The following MSTO1 variants were observed in gnomAD, a reference collection of about 807,000 sequenced individuals.
MSTO1 encodes protein misato homolog 1.
Under a neutral mutation model 55.7 loss-of-function variants are expected in MSTO1, and 24 were observed. The observed-to-expected ratio is 0.43, with a 90% CI of 0.31 to 0.61. The LOEUF is 0.61. MSTO1 is among the 20% of genes least tolerant of loss of function. MSTO1 has a pLI of 0.09. For missense variants in MSTO1, 363 were observed against 625.7 expected, an observed-to-expected ratio of 0.58 and a Z score of 4.48; for synonymous variants, 162 against 252.8, an observed-to-expected ratio of 0.64 and a Z score of 3.41.
At chr1:155,577,111 T>C in the MSTO1 span, among the ~76,000 whole-genome samples, 2 of 149,360 alleles carry the variant, frequency 1.3e-5, no homozygotes, top group Non-Finnish European at 3.0e-5. Flanking sequence ...TTTTTTGAGA[T>C]GGAGTCTCGC....
chr1:155,611,475 A>C, intron 4 of MSTO1, 74 bp from the exon 5 acceptor site: 1 of 1,613,792 alleles, frequency 6.2e-7, no homozygotes. Context: ...TGGCCAGCCA[A>C]CTCAAGGAGG....
the MSTO1 span, chr1:155,598,771 G>T: frequency 3.5e-6 from 3 of 847,180 alleles, no homozygotes; most frequent in South Asian, 4.2e-5. Context: ...CAGTACAAGT[G>T]ACCTTTCTAG....
the MSTO1 span, among the ~76,000 whole-genome samples, chr1:155,597,568 G>A: frequency 4.5e-3 from 685 of 151,574 alleles, 2 homozygotes; most frequent in Non-Finnish European, 6.0e-3. Flanking sequence ...GGAGTGCAGT[G>A]GTGTGATTTC....
chr1:155,578,597 G>A, the MSTO1 span, among the ~76,000 whole-genome samples: 6 of 135,768 alleles, frequency 4.4e-5, no homozygotes, highest in East Asian at 1.3e-3. Context: ...TGCAAGCTCC[G>A]CCTCCCAGGT....
the MSTO1 span, among the ~76,000 whole-genome samples, chr1:155,570,663 T>C: frequency 9.2e-5 from 14 of 152,202 alleles, no homozygotes; most frequent in Non-Finnish European, 1.9e-4. Flanking sequence ...TTTTGTATGG[T>C]ATATTGTTCC....
At chr1:155,582,018 T>C in the MSTO1 span, among the ~76,000 whole-genome samples, 1 of 150,964 alleles carries the variant, frequency 6.6e-6, no homozygotes, top group African/African-American at 2.4e-5. Flanking sequence ...TGCAATGGCA[T>C]GATCTCGGCT....
chr1:155,593,039 A>G, the MSTO1 span, among the ~76,000 whole-genome samples: 4 of 152,130 alleles, frequency 2.6e-5, no homozygotes, highest in East Asian at 1.9e-4. Context: ...AGGCTCCCCA[A>G]TAGCTGGGAT....
At chr1:155,568,041 C>CAA in the MSTO1 span, among the ~76,000 whole-genome samples, 4 of 139,970 alleles carry the variant, frequency 2.9e-5, no homozygotes, top group African/African-American at 1.0e-4. Flanking sequence ...CCTGTCTGAA[C>CAA]AAAAAAAAAA....
At chr1:155,582,918 C>A in the MSTO1 span, among the ~76,000 whole-genome samples, 1 of 150,942 alleles carries the variant, frequency 6.6e-6, no homozygotes, top group Non-Finnish European at 1.5e-5. Flanking sequence ...CACTCTGTTG[C>A]CCAGGCTGGA....
the MSTO1 span, among the ~76,000 whole-genome samples, chr1:155,582,046 C>T: frequency 6.6e-6 from 1 of 151,722 alleles, no homozygotes; most frequent in South Asian, 2.1e-4. Flanking sequence ...ACCTCCACCT[C>T]CTGAGTTCAA....
At chr1:155,609,797 T>A (rs1011083912), upstream of MSTO1, 42 of 188,524 alleles carry the variant, frequency 2.2e-4, 1 homozygote, top group Admixed American at 2.1e-3. Flanking sequence ...ACGTGACTTC[T>A]GAAGAGATGA....
chr1:155,601,057 T>C, the MSTO1 span, among the ~76,000 whole-genome samples: 3 of 148,776 alleles, frequency 2.0e-5, no homozygotes, highest in Non-Finnish European at 4.4e-5. Flanking sequence ...TGACCTCAGG[T>C]GATCGCCCAC....
chr1:155,573,841 A>C, the MSTO1 span, among the ~76,000 whole-genome samples: 3 of 74,268 alleles, frequency 4.0e-5, no homozygotes, highest in Non-Finnish European at 9.4e-5. Context: ...TCCATCTCAC[A>C]AAAAAAAAAA....
chr1:155,572,636 C>A, the MSTO1 span, among the ~76,000 whole-genome samples: 131 of 152,038 alleles, frequency 8.6e-4, no homozygotes, highest in African/African-American at 3.0e-3. Flanking sequence ...TGCTTGAACC[C>A]GGGAGATGGA....
the MSTO1 span, among the ~76,000 whole-genome samples, chr1:155,589,250 A>T: frequency 1.3e-5 from 2 of 152,044 alleles, no homozygotes; most frequent in African/African-American, 4.8e-5. Flanking sequence ...GTGAGCCGAG[A>T]TCATGCCACT....
chr1:155,564,981 CGTG>C, the MSTO1 span, among the ~76,000 whole-genome samples: 361 of 152,038 alleles, frequency 2.4e-3, 1 homozygote, highest in African/African-American at 8.3e-3. Context: ...ATTAGCCGGG[CGTG>C]GTGGTGGGCG....
the MSTO1 span, among the ~76,000 whole-genome samples, chr1:155,604,228 G>A: frequency 6.6e-6 from 1 of 152,160 alleles, no homozygotes. Context: ...GAGTGGACCT[G>A]CCTTTCTGGC....
At chr1:155,577,715 T>C in the MSTO1 span, among the ~76,000 whole-genome samples, 1 of 152,206 alleles carries the variant, frequency 6.6e-6, no homozygotes, top group Non-Finnish European at 1.5e-5. Flanking sequence ...TCTAGGTCTA[T>C]GGCATTTCCA....
At chr1:155,575,598 G>T in the MSTO1 span, among the ~76,000 whole-genome samples, 3 of 151,482 alleles carry the variant, frequency 2.0e-5, no homozygotes, top group Non-Finnish European at 2.9e-5. Flanking sequence ...GCACGCCACC[G>T]CACCTGGCTA....
Sources: gnomAD v4.1 joint callset for allele counts (sites outside exome capture counted in the v4.1 genomes callset) on GRCh38, gnomAD v4.1.1 for gene constraint, MANE v1.5 for transcripts, NCBI Gene and HGNC (gene_info 2026-07-23, HGNC 2026-07-21) for gene names.